Variants in NAE1 observed in about 807,000 individuals in gnomAD.
NAE1 encodes the protein NEDD8 activating enzyme E1 subunit 1.
In NAE1, 59 loss-of-function variants were observed where a neutral mutation model predicts 88.0. The observed-to-expected ratio is 0.67, with a 90% confidence interval of 0.54 to 0.83. The LOEUF (loss-of-function observed/expected upper bound fraction) is 0.83. Among genes scored for constraint, NAE1 ranks in the 40% least tolerant of loss-of-function variants. The pLI is 0.00. For synonymous variants in NAE1, 186 were observed against 208.9 expected (o/e 0.89, Z 0.95); for missense variants, 554 against 632.8 (o/e 0.88, Z 1.34).
chr16:66,816,358 T>G (rs1960044823), intron 11 of NAE1, among the ~76,000 whole-genome samples: 1 of 152,100 alleles, frequency 6.6e-6, no homozygotes, highest in African/African-American at 2.4e-5. Flanking sequence ...AGAGACGCGG[T>G]TTCACTATGT....
Position 66,813,624 on chromosome 16 carries a change from A to G in NAE1, c.974T>C (p.Val325Ala), listed in dbSNP as rs765784824. 4 of 1,614,132 alleles carry G rather than the reference A, an allele frequency of 2.5e-6. No homozygotes were observed. The highest frequency in any genetic ancestry group is 1.7e-5 in the Admixed American group (1 of 60,020). The change falls in exon 13 of 20, where the codon GTT (valine) becomes GCT (alanine). Residue 325 changes from valine (V) to alanine (A), a missense_variant. By Grantham distance (64) the Val-to-Ala change is moderately conservative (BLOSUM62 0). Coordinates refer to ENST00000290810, the MANE Select transcript of NAE1 (RefSeq NM_003905.4). ...VAKEGQGNLP[V>A]RGTIPDMIAD... The stretch of plus-strand genomic sequence containing the variant: ...AATCATATCAGGAATTGTGCCTCGA[A>G]CAGGTAAATTTCCTTGACCCTCTTT...
intron 13 of NAE1, among the ~76,000 whole-genome samples, chr16:66,812,709 C>A (rs577550540): frequency 6.6e-6 from 1 of 151,250 alleles, no homozygotes; most frequent in East Asian, 2.0e-4. Flanking sequence ...TTAGTAGAGA[C>A]AGGGTTTCAC....
At chr16:66,803,336 A>G (rs539718822) in intron 19 of NAE1, among the ~76,000 whole-genome samples, 1 of 152,322 alleles carries the variant, frequency 6.6e-6, no homozygotes, top group South Asian at 2.1e-4. Flanking sequence ...ACCAAACTTT[A>G]AAGGATACAC....
chr16:66,816,921 T>C (rs368943883), intron 10 of NAE1, 44 bp downstream of exon 10: 34 of 1,560,754 alleles, frequency 2.2e-5, no homozygotes, highest in African/African-American at 2.8e-5. Flanking sequence ...TCTAGCAATT[T>C]GCTTTTCAAG....
chr16:66,826,532 G>C lies in NAE1; in HGVS notation c.209C>G (p.Ala70Gly), dbSNP rs768614873. 2 of 1,614,046 alleles carry C rather than the reference G, an allele frequency of 1.2e-6. No individual in the cohort carries two copies. The highest frequency in any genetic ancestry group is 8.5e-7 in the Non-Finnish European group (1 of 1,180,016). The change falls in exon 3 of 20, where the codon GCT becomes GGT. Residue 70 changes from alanine (A) to glycine (G), a missense_variant. Transcript: ENST00000290810. The stretch of plus-strand genomic sequence containing the variant: ...AGAGAATAGAACATACTTGTTTCCA[G>C]CATCTTCTCCGCTGACCTGATTTCC... ...IDGNQVSGEDAGNNFFLQRSS... is the reference protein window; with the variant it reads ...IDGNQVSGEDGGNNFFLQRSS...
Position 66,805,842 on chromosome 16 carries a change from G to C in NAE1, c.1446-16C>G, listed in dbSNP as rs74024024. The C allele has an allele frequency of 4.7e-5, 73 of 1,566,454 alleles. No homozygotes were observed. In the African/African-American group the frequency reaches 8.8e-4, roughly 19 times the overall value. On this transcript the variant is annotated splice_polypyrimidine_tract_variant and intron_variant, in intron 18 of 19. Coordinates refer to ENST00000290810, the MANE Select transcript of NAE1 (RefSeq NM_003905.4). The stretch of plus-strand genomic sequence containing the variant: ...ATATCGGCAACTAAAGGAGACCACA[G>C]AGACATGAATTTTGATTAGCCTTAT...
At chr16:66,812,516 T>C (rs1224705134) in intron 13 of NAE1, among the ~76,000 whole-genome samples, 11 of 142,334 alleles carry the variant, frequency 7.7e-5, no homozygotes, top group African/African-American at 2.9e-4. Context: ...CTAAGTTCTT[T>C]TTTTTTTTTT....
intron 4 of NAE1, among the ~76,000 whole-genome samples, chr16:66,823,976 A>ATCC (rs1960365344): frequency 6.6e-6 from 1 of 152,090 alleles, no homozygotes; most frequent in African/African-American, 2.4e-5. Flanking sequence ...GTCTCAAGCA[A>ATCC]TCCTCCTGCC....
At chr16:66,804,147 T>A (rs1030155385) in intron 19 of NAE1, among the ~76,000 whole-genome samples, 1 of 151,354 alleles carries the variant, frequency 6.6e-6, no homozygotes, top group South Asian at 2.1e-4. Context: ...AGGGATGGCA[T>A]CGCAGAGAAG....
At chr16:66,827,121 A>G (rs1960490480) in intron 1 of NAE1, among the ~76,000 whole-genome samples, 1 of 152,010 alleles carries the variant, frequency 6.6e-6, no homozygotes, top group Non-Finnish European at 1.5e-5. Flanking sequence ...TCTGTTTTCT[A>G]TTTCATTTAT....
intron 15 of NAE1, 139 bp downstream of exon 15, chr16:66,810,235 C>A: frequency 1.5e-6 from 1 of 649,322 alleles, no homozygotes; most frequent in Admixed American, 3.1e-5. Flanking sequence ...AAAAAAAAAA[C>A]CTTACCCAAT....
chr16:66,825,693 G>A (rs1052392991), intron 3 of NAE1, among the ~76,000 whole-genome samples: 3 of 152,024 alleles, frequency 2.0e-5, no homozygotes, highest in Non-Finnish European at 4.4e-5. Flanking sequence ...GCACGTAACT[G>A]TAACAGATTT....
intron 17 of NAE1, among the ~76,000 whole-genome samples, chr16:66,806,334 G>A (rs1443523065): frequency 6.6e-6 from 1 of 152,160 alleles, no homozygotes; most frequent in Non-Finnish European, 1.5e-5. Flanking sequence ...AGAAAGTAAT[G>A]TCCTACTTAT....
intron 6 of NAE1, among the ~76,000 whole-genome samples, chr16:66,822,478 C>T (rs1212359166): frequency 3.3e-5 from 5 of 151,570 alleles, no homozygotes; most frequent in East Asian, 2.0e-4. Flanking sequence ...GACTGAGGCA[C>T]GAGAGTTACC....
At chr16:66,812,960 C>CT (rs1232060933) in intron 13 of NAE1, among the ~76,000 whole-genome samples, 1 of 150,546 alleles carries the variant, frequency 6.6e-6, no homozygotes, top group Non-Finnish European at 1.5e-5. Context: ...GTAGCTGGGA[C>CT]TACAGGCGCC....
chr16:66,817,440 T>G lies in NAE1; in HGVS notation c.669A>C (p.Ala223=). Residue 223 remains alanine (A), a synonymous_variant, in exon 9 of 20, where the codon GCA becomes GCC. Coordinates refer to ENST00000290810, the MANE Select transcript of NAE1 (RefSeq NM_003905.4). ...AAGGACATACTTCACTATACCACTG[T>G]GCTAAATATTTAGCTATGATCACAA... ...PWIVIIAKYL[A]QWYSETNGRI... is the part of the protein sequence containing the mutation. 6.2e-7 allele frequency: 1 copy of G among 1,605,494 alleles called. No individual in the cohort carries two copies. Among genetic ancestry groups the G allele is most frequent in the Non-Finnish European group, 8.5e-7 (1 of 1,175,360 alleles).
In NAE1 at chr16:66,816,583, G is replaced by C. The variant is rs760747466; in HGVS notation, c.838C>G (p.Gln280Glu). 1.9e-5 allele frequency: 30 copies of C among 1,599,182 alleles called. No individual in the cohort carries two copies. Among genetic ancestry groups the C allele is most frequent in the South Asian group, 1.1e-4 (10 of 90,356 alleles). ...KNVNTALNTT[Q>E]IPSSIEDIFN... is the part of the protein sequence containing the mutation. ...TCCCTCAGCAACTCTTTCATTACCTGAGTTGTATTTAGTGCTGTGTTCACA... is the reference window on the plus strand; with the variant it reads ...TCCCTCAGCAACTCTTTCATTACCTCAGTTGTATTTAGTGCTGTGTTCACA... The change falls in exon 11 of 20, where the codon CAG (glutamine) becomes GAG (glutamate). Residue 280 changes from glutamine (Q) to glutamate (E), a missense_variant and splice_region_variant. Physicochemically the swap from Gln to Glu is conservative, Grantham distance 29. Transcript: ENST00000290810.
chr16:66,824,517 G>C (rs1245034895), intron 4 of NAE1: 1 of 165,102 alleles, frequency 6.1e-6, no homozygotes, highest in Admixed American at 6.4e-5. Context: ...GCGTGAACCT[G>C]GGAGGTGGAG....
At chr16:66,827,153 G>A (rs1960491391) in intron 1 of NAE1, among the ~76,000 whole-genome samples, 1 of 152,150 alleles carries the variant, frequency 6.6e-6, no homozygotes, top group Admixed American at 6.5e-5. Context: ...TTTTGAGACA[G>A]AGTCTTGCTC....
Sources: allele counts gnomAD v4.1 joint callset (sites outside exome capture counted in the v4.1 genomes callset), GRCh38; gene constraint gnomAD v4.1.1; transcripts MANE v1.5; gene names NCBI Gene and HGNC (gene_info 2026-07-23, HGNC 2026-07-21).